The following ACSM2A variants were observed in gnomAD, a reference collection of about 807,000 sequenced individuals.
The protein encoded by ACSM2A is acyl-CoA synthetase medium chain family member 2A, also known as acyl-coenzyme A synthetase ACSM2A, mitochondrial.
A neutral mutation model predicts 76.6 loss-of-function variants in ACSM2A; 72 were observed. The ratio of observed to expected loss-of-function variants is 0.94; its 90% CI spans 0.78 to 1.14. The LOEUF (loss-of-function observed/expected upper bound fraction) is 1.14. ACSM2A is among the 50% of genes most tolerant of loss of function. ACSM2A has a pLI of 0.00. For missense variants in ACSM2A, 684 were observed against 708.5 expected, an observed-to-expected ratio of 0.97 and a Z score of 0.39; for synonymous variants, 249 against 255.9, an observed-to-expected ratio of 0.97 and a Z score of 0.26.
At position 20,480,591 on chromosome 16, in the gene ACSM2A, G is replaced by T. The variant is rs759655791; in HGVS notation, c.1300G>T (p.Ala434Ser). ...TCACCAGGACAATCCCGACAAGACA[G>T]CAGCCAACATTCGAGGAGACTTTTG... ...SGYVDNPDKTAANIRGDFWLL... is the reference protein window; with the variant it reads ...SGYVDNPDKTSANIRGDFWLL... Residue 434 changes from alanine to serine, a missense_variant, in exon 11 of 14, where the codon GCA becomes TCA. Around this residue, in one of 3 missense-constraint regions of ACSM2A, gnomAD observed 519 missense variants for 549.5 expected, o/e 0.94. Coordinates refer to ENST00000573854, the MANE Select transcript of ACSM2A (RefSeq NM_001308172.2). 3 of 1,613,752 alleles carry T rather than the reference G, an allele frequency of 1.9e-6. No individual in the cohort carries two copies. The Admixed American group carries it at 5.0e-5, about 27-fold the overall frequency.
In ACSM2A at chr16:20,453,065, G is replaced by A. The variant is rs1348906419; in HGVS notation, c.-9+1384G>A. 3.9e-5 allele frequency among the ~76,000 whole-genome samples: 6 copies of A among 152,006 alleles called. No individual in the cohort carries two copies. In the East Asian group the frequency reaches 1.2e-3, roughly 30 times the overall value. On this transcript the variant is annotated intron_variant, in intron 1 of 13. Transcript: ENST00000573854. ...AGATACTGAGCCTCAAATCTGCCAA[G>A]ATTGCCCTGAGTGAGAGTCTAATCT... is the stretch of plus-strand genomic sequence containing the variant.
At chr16:20,465,879 T>C (rs751878728) in intron 3 of ACSM2A, 152 bp downstream of exon 3, 136 of 1,410,216 alleles carry the variant, frequency 9.6e-5, no homozygotes, top group Non-Finnish European at 1.2e-4. Context: ...CTTCCACTTA[T>C]TTAAGCAAAC....
intron 1 of ACSM2A, among the ~76,000 whole-genome samples, chr16:20,456,409 A>C (rs1206111300): frequency 1.4e-5 from 2 of 144,586 alleles, no homozygotes; most frequent in African/African-American, 2.6e-5. Flanking sequence ...GCCACAAAAC[A>C]AGTCTCAATA....
At chr16:20,454,207 GTTCTCTTTAT>G (rs2011976876) in intron 1 of ACSM2A, among the ~76,000 whole-genome samples, 1 of 141,036 alleles carries the variant, frequency 7.1e-6, no homozygotes, top group African/African-American at 2.6e-5. Flanking sequence ...CTTTGTACTC[GTTCTCTTTAT>G]TTCTCAGACC....
chr16:20,453,469 C>T lies in ACSM2A; in HGVS notation c.-9+1788C>T, dbSNP rs903068311. 1.1e-4 allele frequency: 16 copies of T among 149,526 alleles called. 1 individual carries two copies. The highest frequency in any genetic ancestry group is 1.6e-4 in the Non-Finnish European group (11 of 67,690). The allele number at this position is 149,526 out of a possible 1,614,324, so 9.3% of individuals were successfully genotyped here. ...CTTATGCCTATCTTTACTTTAATCT[C>T]TTAATCCTGTTATCTTCATAAGCTC... On this transcript the variant is annotated intron_variant, in intron 1 of 13. Coordinates refer to ENST00000573854, the MANE Select transcript of ACSM2A (RefSeq NM_001308172.2).
intron 2 of ACSM2A, 103 bp downstream of exon 2, chr16:20,460,394 G>T (rs916244645): frequency 2.7e-6 from 4 of 1,486,616 alleles, no homozygotes; most frequent in Non-Finnish European, 2.7e-6. Flanking sequence ...TACATGTAAG[G>T]CACTGTAATA....
At chr16:20,475,926 A>G in intron 8 of ACSM2A, 153 bp downstream of exon 8, 1 of 1,479,320 alleles carries the variant, frequency 6.8e-7, no homozygotes, top group Non-Finnish European at 9.0e-7. Flanking sequence ...AGTATTGAAA[A>G]TTCCGCACAG....
intron 4 of ACSM2A, 150 bp downstream of exon 4, chr16:20,469,869 G>GT: frequency 2.4e-6 from 2 of 824,606 alleles, no homozygotes; most frequent in Admixed American, 3.4e-5. Context: ...CTAACACAAG[G>GT]GTATTTTTTT....
Position 20,478,501 on chromosome 16 carries a change from T to G in ACSM2A, c.1180-75T>G, listed in dbSNP as rs1476867938. On this transcript the variant is annotated intron_variant, in intron 9 of 13. Transcript: ENST00000573854. ...GCAAGAGGGTCTTTCATTTGACCAA[T>G]TCAGCAATCTCATGATGCCATTGAA... 3.0e-5 allele frequency: 46 copies of G among 1,539,168 alleles called. No homozygotes were observed. In the South Asian group the frequency reaches 5.4e-4, roughly 18 times the overall value.
chr16:20,475,559 G>C (rs1395827355), intron 7 of ACSM2A, 91 bp from the exon 8 acceptor site: 8 of 1,605,218 alleles, frequency 5.0e-6, no homozygotes, highest in African/African-American at 1.3e-5. Flanking sequence ...GAAGCCATTT[G>C]CATCATCAAA....
chr16:20,477,148 G>A, intron 8 of ACSM2A: 2 of 666,982 alleles, frequency 3.0e-6, no homozygotes, highest in South Asian at 4.9e-5. Context: ...TCTTCCTGGG[G>A]AGTGGTAGAT....
At position 20,469,469 on chromosome 16, in the gene ACSM2A, G is replaced by C. The variant is rs753058668; in HGVS notation, c.389-43G>C. 1.9e-6 allele frequency: 3 copies of C among 1,609,520 alleles called. No individual in the cohort carries two copies. In the South Asian group the frequency reaches 3.3e-5, roughly 18 times the overall value. On this transcript the variant is annotated intron_variant, in intron 3 of 13. Transcript: ENST00000573854. The stretch of plus-strand genomic sequence containing the variant: ...TATCTCAGGCTTCTCTAGGGACAAA[G>C]AAAATCATCCTTTCCAATTCTCTAA...
Position 20,465,508 on chromosome 16 carries a change from T to A in ACSM2A, c.178-9T>A. 6.2e-7 allele frequency: 1 copy of A among 1,613,768 alleles called. No homozygotes were observed. Among genetic ancestry groups the A allele is most frequent in the Non-Finnish European group, 8.5e-7 (1 of 1,179,696 alleles). On this transcript the variant is annotated splice_polypyrimidine_tract_variant and intron_variant, in intron 2 of 13. Transcript: ENST00000573854. ...TGCCCCCTGATCAACAGGGCTTCTCTTTCCTCAGGCTGGCAAGCGACTCCC... is the reference window on the plus strand; with the variant it reads ...TGCCCCCTGATCAACAGGGCTTCTCATTCCTCAGGCTGGCAAGCGACTCCC...
At chr16:20,459,678 G>C (rs1249344100) in intron 1 of ACSM2A, among the ~76,000 whole-genome samples, 2 of 152,160 alleles carry the variant, frequency 1.3e-5, no homozygotes, top group Non-Finnish European at 2.9e-5. Flanking sequence ...TCATGAGCAA[G>C]CCAAAGTCAA....
At chr16:20,455,545 AAGC>A (rs1476642481) in intron 1 of ACSM2A, among the ~76,000 whole-genome samples, 1 of 150,358 alleles carries the variant, frequency 6.7e-6, no homozygotes, top group African/African-American at 2.4e-5. Flanking sequence ...CAGTGAAACT[AAGC>A]TTCATAAATG....
chr16:20,455,182 C>T (rs1380836703), intron 1 of ACSM2A, among the ~76,000 whole-genome samples: 1 of 151,310 alleles, frequency 6.6e-6, no homozygotes, highest in South Asian at 2.1e-4. Flanking sequence ...AATTGGCATC[C>T]TTGAGATAGA....
At chr16:20,453,399 T>C (rs1444761620) in intron 1 of ACSM2A, 1 of 151,566 alleles carries the variant, frequency 6.6e-6, no homozygotes, top group Non-Finnish European at 1.5e-5. Flanking sequence ...ATTGTGAAGA[T>C]TTCATGGACA....
At chr16:20,458,561 TATATA>T (rs2012349886) in intron 1 of ACSM2A, among the ~76,000 whole-genome samples, 1 of 144,922 alleles carries the variant, frequency 6.9e-6, no homozygotes, top group Admixed American at 7.1e-5. Flanking sequence ...CCATATATTA[TATATA>T]ATATATCCAT....
At chr16:20,470,832 A>G (rs1434243036) in intron 4 of ACSM2A, 1 of 683,520 alleles carries the variant, frequency 1.5e-6, no homozygotes, top group South Asian at 1.5e-5. Context: ...AGTCAGACAC[A>G]GAGACGTTAA....
Sources: allele counts gnomAD v4.1 joint callset (sites outside exome capture counted in the v4.1 genomes callset), GRCh38; gene constraint gnomAD v4.1.1; regional missense constraint gnomAD v4.1.1; transcripts MANE v1.5; gene names NCBI Gene and HGNC (gene_info 2026-07-23, HGNC 2026-07-21).